Variants in DNHD1 observed in about 807,000 individuals in gnomAD.
The protein encoded by DNHD1 is dynein heavy chain domain 1.
In DNHD1, 383 loss-of-function variants were observed where a neutral mutation model predicts 458.1. The ratio of observed to expected loss-of-function variants is 0.84; its 90% CI spans 0.77 to 0.91. The LOEUF is 0.91. Among genes scored for constraint, DNHD1 ranks in the 40% least tolerant of loss-of-function variants. The pLI is 0.00. For missense variants in DNHD1, 5,336 were observed against 5,866.1 expected (o/e 0.91, Z 2.95); for synonymous variants, 2,203 against 2,376.9 (o/e 0.93, Z 2.13).
At chr11:6,534,550 CAA>C (rs1242477166) in intron 14 of DNHD1, among the ~76,000 whole-genome samples, 3 of 152,158 alleles carry the variant, frequency 2.0e-5, no homozygotes, top group East Asian at 3.8e-4. Flanking sequence ...AGGCCCCGAA[CAA>C]GAGTAGGTCT....
chr11:6,568,901 C>A, intron 39 of DNHD1, 35 bp downstream of exon 39: 2 of 1,573,314 alleles, frequency 1.3e-6, no homozygotes, highest in South Asian at 1.2e-5. Context: ...CTCAGTCAAT[C>A]ACTCAACAAA....
In DNHD1 at chr11:6,520,033, G is replaced by T; in HGVS notation, c.1716G>T (p.Val572=). 6.2e-7 allele frequency: 1 copy of T among 1,614,154 alleles called. No homozygotes were observed. The highest frequency in any genetic ancestry group is 8.5e-7 in the Non-Finnish European group (1 of 1,180,044). ...ATGATCATGGTCAACTGTCTCATGT[G>T]CCCTGTGTTGAAAATATGATCCAGA... is the stretch of plus-strand genomic sequence containing the variant. ...VFDDHGQLSH[V]PCVENMIQTL... is the part of the protein sequence containing the mutation. Residue 572 remains valine (V), a synonymous_variant, in exon 9 of 43, where the codon GTG becomes GTT. Coordinates refer to ENST00000254579, the MANE Select transcript of DNHD1 (RefSeq NM_144666.3).
intron 4 of DNHD1, chr11:6,508,581 C>T (rs374461044): frequency 5.0e-5 from 15 of 297,188 alleles, no homozygotes; most frequent in Admixed American, 1.4e-4. Flanking sequence ...CTGCAGCTTA[C>T]GGTGGACAGT....
chr11:6,519,981 C>T lies in DNHD1; in HGVS notation c.1664C>T (p.Pro555Leu), dbSNP rs537598476. The part of the protein sequence containing the change: ...ANILQAPRQK[P>L]FLSSQLVFDD... ...TTTTTACAGGCCCCAAGGCAGAAAC[C>T]CTTTCTCTCATCACAGCTGGTCTTT... Residue 555 changes from proline to leucine, a missense_variant, in exon 9 of 43, where the codon CCC (proline) becomes CTC (leucine). Pro to Leu is a moderately conservative substitution (Grantham distance 98). Around this residue, in one of 4 missense-constraint regions of DNHD1, gnomAD observed 3,932 missense variants for 4,365.6 expected, o/e 0.90. Coordinates refer to ENST00000254579, the MANE Select transcript of DNHD1 (RefSeq NM_144666.3). 1 of 1,614,168 alleles carries T rather than the reference C, an allele frequency of 6.2e-7. No individual in the cohort carries two copies. The highest frequency in any genetic ancestry group is 1.7e-5 in the Admixed American group (1 of 60,020).
chr11:6,560,359 T>C (rs890923792), intron 28 of DNHD1, among the ~76,000 whole-genome samples: 1 of 152,220 alleles, frequency 6.6e-6, no homozygotes, highest in Admixed American at 6.5e-5. Flanking sequence ...TGGTTTTCAC[T>C]GTGTTTTACA....
rs570399738 is a variant in DNHD1, at chr11:6,534,006, C to G, written c.2831C>G (p.Ala944Gly). The change falls in exon 14 of 43, where the codon GCA becomes GGA. Residue 944 changes from alanine to glycine, a missense_variant. Physicochemically the swap from Ala to Gly is moderately conservative, Grantham distance 60. Around this residue, in one of 4 missense-constraint regions of DNHD1, gnomAD observed 3,932 missense variants for 4,365.6 expected, o/e 0.90. Transcript: ENST00000254579. Reference sequence around the variant, plus strand: ...AAGCTGCAGCAGCTGATGGCAGCAGCATTGGCAGAGCTGGAAGGCCTGCTT... The same window carrying G: ...AAGCTGCAGCAGCTGATGGCAGCAGGATTGGCAGAGCTGGAAGGCCTGCTT... ...MPKLQQLMAA[A>G]LAELEGLLAK... 1.7e-5 allele frequency: 26 copies of G among 1,551,600 alleles called. No homozygotes were observed. In the South Asian group the frequency reaches 2.9e-4, roughly 17 times the overall value.
At position 6,533,720 on chromosome 11, in the gene DNHD1, C is replaced by A; in HGVS notation, c.2545C>A (p.Arg849=). 6.4e-7 allele frequency: 1 copy of A among 1,551,130 alleles called. No homozygotes were observed. The highest frequency in any genetic ancestry group is 8.7e-7 in the Non-Finnish European group (1 of 1,146,742). ...TGAACAGTACGTCGAGCTGGAGGAG[C>A]GAATGGAATACGTACGGGCACTCCA... ...ANEQYVELEE[R]MEYVRALHEL... Residue 849 remains arginine (R), a synonymous_variant, in exon 14 of 43, where the codon CGA becomes AGA. Transcript: ENST00000254579.
At chr11:6,503,047 C>T in intron 4 of DNHD1, 121 bp downstream of exon 4, 1 of 1,095,010 alleles carries the variant, frequency 9.1e-7, no homozygotes, top group Non-Finnish European at 1.3e-6. Context: ...CATACTCCTC[C>T]TCTGACTCTA....
chr11:6,547,598 T>C lies in DNHD1; in HGVS notation c.6659T>C (p.Met2220Thr). The change falls in exon 21 of 43, where the codon ATG becomes ACG. Residue 2220 changes from methionine (M) to threonine (T), a missense_variant. Met to Thr is a moderately conservative substitution (Grantham distance 81). Around this residue, in one of 4 missense-constraint regions of DNHD1, gnomAD observed 3,932 missense variants for 4,365.6 expected, o/e 0.90. Transcript: ENST00000254579. ...GCAGGTGTGGCAGAAGTTACCAGCA[T>C]GGCACGCATCTTGCATAGTCTGCTT... The part of the protein sequence containing the change: ...VCAGVAEVTS[M>T]ARILHSLLDL... 1 of 1,547,604 alleles carries C rather than the reference T, an allele frequency of 6.5e-7. No homozygotes were observed. The highest frequency in any genetic ancestry group is 2.5e-5 in the East Asian group (1 of 40,752).
In DNHD1 at chr11:6,564,048, A is replaced by T; in HGVS notation, c.10208A>T (p.Gln3403Leu). 6.4e-7 allele frequency: 1 copy of T among 1,551,722 alleles called. No individual in the cohort carries two copies. The highest frequency in any genetic ancestry group is 1.2e-5 in the South Asian group (1 of 84,066). Residue 3403 changes from glutamine to leucine, a missense_variant, in exon 31 of 43, where the codon CAG becomes CTG. Around this residue, in one of 4 missense-constraint regions of DNHD1, gnomAD observed 3,932 missense variants for 4,365.6 expected, o/e 0.90. Coordinates refer to ENST00000254579, the MANE Select transcript of DNHD1 (RefSeq NM_144666.3). Reference protein sequence around the residue: ...NCVAKTLSQAQCGQYHKWPMK... With the variant: ...NCVAKTLSQALCGQYHKWPMK... ...GTGGCAAAGACCCTCAGTCAAGCAC[A>T]GTGTGGGCAGTATCACAAATGGCCC...
rs1454280165 is a variant in DNHD1 at position 6,559,041 on chromosome 11, C to G, written c.9351C>G (p.Asp3117Glu). Residue 3117 changes from aspartate to glutamate, a missense_variant, in exon 27 of 43, where the codon GAC (aspartate) becomes GAG (glutamate). Transcript: ENST00000254579. ...LPLVTPKTFLDFLDTFLMLQQ... is the reference protein window; with the variant it reads ...LPLVTPKTFLEFLDTFLMLQQ... ...TCGTCACCCCCAAGACCTTCCTAGA[C>G]TTCCTGGACACTTTCCTGATGCTGC... is the stretch of plus-strand genomic sequence containing the variant. 6.4e-7 allele frequency: 1 copy of G among 1,551,746 alleles called. No homozygotes were observed. The highest frequency in any genetic ancestry group is 2.0e-5 in the Admixed American group (1 of 51,010).
chr11:6,525,054 G>A (rs1005501578), intron 10 of DNHD1, among the ~76,000 whole-genome samples: 1 of 152,166 alleles, frequency 6.6e-6, no homozygotes, highest in Non-Finnish European at 1.5e-5. Flanking sequence ...CCACAATAAA[G>A]TGGTTTTCAT....
At chr11:6,536,461 T>C (rs1483920858) in intron 14 of DNHD1, among the ~76,000 whole-genome samples, 2 of 152,070 alleles carry the variant, frequency 1.3e-5, no homozygotes, top group African/African-American at 2.4e-5. Flanking sequence ...TGCCCTTAAA[T>C]AGTTCAGAAA....
chr11:6,538,559 G>A (rs1384090084), intron 15 of DNHD1, 49 bp downstream of exon 15: 1 of 1,551,454 alleles, frequency 6.4e-7, no homozygotes, highest in Non-Finnish European at 8.7e-7. Context: ...GAGGACTACA[G>A]TGGTGGGGGA....
chr11:6,530,521 G>A (rs372884566), intron 12 of DNHD1, among the ~76,000 whole-genome samples: 1 of 152,172 alleles, frequency 6.6e-6, no homozygotes, highest in Non-Finnish European at 1.5e-5. Context: ...TAGCCTCAAG[G>A]ATGGCAATAG....
intron 6 of DNHD1, among the ~76,000 whole-genome samples, chr11:6,510,080 TC>T (rs1852305395): frequency 6.7e-6 from 1 of 148,342 alleles, no homozygotes; most frequent in Non-Finnish European, 1.5e-5. Context: ...AAATTTTAAC[TC>T]AAAAGAATTT....
chr11:6,550,149 C>G (rs1322376013), intron 24 of DNHD1, among the ~76,000 whole-genome samples: 1 of 152,134 alleles, frequency 6.6e-6, no homozygotes, highest in East Asian at 1.9e-4. Flanking sequence ...ATCTTCAGTG[C>G]TCATAAAAGC....
intron 28 of DNHD1, 42 bp downstream of exon 28, chr11:6,559,325 A>G (rs1038531924): frequency 6.7e-7 from 1 of 1,496,948 alleles, no homozygotes; most frequent in African/African-American, 1.4e-5. Context: ...GTGTCAAAGC[A>G]GGAGCCCAAA....
intron 3 of DNHD1, among the ~76,000 whole-genome samples, chr11:6,500,756 T>C (rs1852116817): frequency 6.6e-6 from 1 of 152,222 alleles, no homozygotes; most frequent in African/African-American, 2.4e-5. Flanking sequence ...AAGTGTTGGA[T>C]AGCTACATTT....
Sources: allele counts gnomAD v4.1 joint callset (sites outside exome capture counted in the v4.1 genomes callset), GRCh38; gene constraint gnomAD v4.1.1; regional missense constraint gnomAD v4.1.1; transcripts MANE v1.5; gene names NCBI Gene and HGNC (gene_info 2026-07-23, HGNC 2026-07-21).